Variants in RFX3 observed in about 807,000 individuals in gnomAD.
RFX3 encodes the protein regulatory factor X3, also known as transcription factor RFX3.
Under a neutral mutation model 98.6 loss-of-function variants are expected in RFX3, and 14 were observed. That is an observed-to-expected ratio of 0.14 (90% CI 0.09 to 0.22). RFX3 has a LOEUF of 0.22. Among genes scored for constraint, RFX3 ranks in the 10% least tolerant of loss-of-function variants. RFX3 has a pLI of 1.00. For missense variants in RFX3, 639 were observed against 926.9 expected (o/e 0.69, Z 4.03); for synonymous variants, 383 against 328.4 (o/e 1.17, Z -1.80).
Position 3,262,276 on chromosome 9 carries a change from T to G in RFX3, c.1605+659A>C, listed in dbSNP as rs561647609. Reference sequence around the variant, plus strand: ...ATAAAGTATTTATTGATATTGAAACTCTATAATAATGTTTCTAACTTAGCT... The same window carrying G: ...ATAAAGTATTTATTGATATTGAAACGCTATAATAATGTTTCTAACTTAGCT... On this transcript the variant is annotated intron_variant, in intron 13 of 16. Transcript: ENST00000617270. Among the ~76,000 whole-genome samples the G allele has an allele frequency of 2.5e-3, 380 of 152,308 alleles. 1 individual carries two copies. Among genetic ancestry groups the G allele is most frequent in the South Asian group, 5.6e-3 (27 of 4,830 alleles).
At chr9:3,347,357 T>C (rs980481628) in intron 2 of RFX3, among the ~76,000 whole-genome samples, 5 of 152,082 alleles carry the variant, frequency 3.3e-5, no homozygotes, top group African/African-American at 7.2e-5. Flanking sequence ...TGGTGACTTA[T>C]GAAATTCTAT....
intron 5 of RFX3, 152 bp from the exon 6 acceptor site, chr9:3,293,410 T>C (rs1337729132): frequency 3.6e-6 from 2 of 554,492 alleles, no homozygotes; most frequent in Non-Finnish European, 6.2e-6. Flanking sequence ...GGTGGTAATC[T>C]GCCTTTGAAA....
At chr9:3,299,643 A>T (rs1396400569) in intron 5 of RFX3, among the ~76,000 whole-genome samples, 2 of 133,590 alleles carry the variant, frequency 1.5e-5, no homozygotes, top group East Asian at 3.9e-4. Flanking sequence ...ATTATGTAAT[A>T]AAAAAAATGA....
intron 1 of RFX3, among the ~76,000 whole-genome samples, chr9:3,459,899 T>C (rs1847532901): frequency 6.6e-6 from 1 of 152,108 alleles, no homozygotes; most frequent in Non-Finnish European, 1.5e-5. Context: ...AAGAAGGTTA[T>C]CTATGTTATC....
intron 1 of RFX3, among the ~76,000 whole-genome samples, chr9:3,469,780 A>T (rs1388240086): frequency 6.6e-6 from 1 of 151,666 alleles, no homozygotes; most frequent in African/African-American, 2.4e-5. Flanking sequence ...ATTATAGATC[A>T]TGTTGCAGTG....
chr9:3,220,895 C>T lies in RFX3; in HGVS notation c.*4147G>A, dbSNP rs547122342. Reference sequence around the variant, plus strand: ...GATTCCATTAATTGATTCGTTCTAACCATATACATGGAGGTTGTTCTGATC... The same window carrying T: ...GATTCCATTAATTGATTCGTTCTAATCATATACATGGAGGTTGTTCTGATC... On this transcript the variant is annotated 3_prime_UTR_variant, in exon 17 of 17. Transcript: ENST00000617270. 1.3e-5 allele frequency: 2 copies of T among 152,138 alleles called. No homozygotes were observed. The highest frequency in any genetic ancestry group is 4.1e-4 in the South Asian group (2 of 4,828). The allele number at this position is 152,138 out of a possible 1,614,324, so 9.4% of individuals were successfully genotyped here. A position where few individuals can be genotyped will look rare whatever the true frequency, so the allele number is the denominator to read the frequency against.
At chr9:3,412,039 C>T (rs901213719) in intron 1 of RFX3, among the ~76,000 whole-genome samples, 1 of 152,144 alleles carries the variant, frequency 6.6e-6, no homozygotes, top group Non-Finnish European at 1.5e-5. Context: ...AAAATAACAG[C>T]TAAGCTATTT....
At chr9:3,320,781 A>G (rs1366505697) in intron 4 of RFX3, among the ~76,000 whole-genome samples, 3 of 81,126 alleles carry the variant, frequency 3.7e-5, no homozygotes, top group Non-Finnish European at 8.1e-5. Context: ...ATATATATAT[A>G]TATATATATA....
chr9:3,270,127 G>GAAAGAAAGAAAGA (rs1563833699), intron 11 of RFX3, among the ~76,000 whole-genome samples: 1 of 41,752 alleles, frequency 2.4e-5, no homozygotes, highest in African/African-American at 1.1e-4. Context: ...AGAAAGAAAG[G>GAAAGAAAGAAAGA]AAAGAAAGAA....
At chr9:3,440,635 T>A (rs1564103963) in intron 1 of RFX3, among the ~76,000 whole-genome samples, 1 of 152,186 alleles carries the variant, frequency 6.6e-6, no homozygotes, top group Non-Finnish European at 1.5e-5. Flanking sequence ...CATGACCCAA[T>A]ATTGTTAACA....
rs142052398 is a variant in RFX3 at position 3,462,941 on chromosome 9, C to T, written c.-9+62806G>A. On this transcript the variant is annotated intron_variant, in intron 1 of 16. Coordinates refer to ENST00000617270, the MANE Select transcript of RFX3 (RefSeq NM_001282116.2). ...GACTTAAGTAAAGAAAGAGACATATCATGTTCGTGGATCATAACACCCAAT... is the reference window on the plus strand; with the variant it reads ...GACTTAAGTAAAGAAAGAGACATATTATGTTCGTGGATCATAACACCCAAT... Among the ~76,000 whole-genome samples, 1,004 of 152,192 alleles carry T rather than the reference C, an allele frequency of 6.6e-3. 17 individuals are homozygous for T. The highest frequency in any genetic ancestry group is 0.023 in the African/African-American group (949 of 41,542).
At chr9:3,472,059 G>A (rs951308656) in intron 1 of RFX3, among the ~76,000 whole-genome samples, 1 of 152,172 alleles carries the variant, frequency 6.6e-6, no homozygotes, top group Non-Finnish European at 1.5e-5. Context: ...CAGTCTTAGG[G>A]CAGGCAATTT....
chr9:3,391,582 C>T (rs775405564), intron 2 of RFX3, among the ~76,000 whole-genome samples: 1 of 152,034 alleles, frequency 6.6e-6, no homozygotes, highest in Non-Finnish European at 1.5e-5. Flanking sequence ...TGGGAGTGAG[C>T]CATATGGCAC....
At chr9:3,432,548 C>A (rs1488606501) in intron 1 of RFX3, among the ~76,000 whole-genome samples, 2 of 152,010 alleles carry the variant, frequency 1.3e-5, no homozygotes, top group African/African-American at 4.8e-5. Context: ...TAGAACAGTG[C>A]CAAGCAAGGA....
chr9:3,356,327 G>A (rs1305108610), intron 2 of RFX3, among the ~76,000 whole-genome samples: 1 of 151,814 alleles, frequency 6.6e-6, no homozygotes, highest in Admixed American at 6.6e-5. Flanking sequence ...AAGGATGAAA[G>A]GGGAAACGTC....
At chr9:3,355,405 G>C (rs867822331) in intron 2 of RFX3, among the ~76,000 whole-genome samples, 6 of 151,662 alleles carry the variant, frequency 4.0e-5, no homozygotes, top group Admixed American at 6.6e-5. Context: ...AAAATGGACT[G>C]GCTATATTAA....
chr9:3,432,694 G>A (rs928107750), intron 1 of RFX3, among the ~76,000 whole-genome samples: 1 of 152,180 alleles, frequency 6.6e-6, no homozygotes, highest in African/African-American at 2.4e-5. Context: ...TTCCTTGAGT[G>A]CATCCAAACC....
intron 1 of RFX3, among the ~76,000 whole-genome samples, chr9:3,442,628 A>T (rs889540217): frequency 2.0e-5 from 3 of 152,214 alleles, no homozygotes; most frequent in Admixed American, 6.5e-5. Context: ...TAACAAATAT[A>T]TCATGCTTAT....
intron 1 of RFX3, among the ~76,000 whole-genome samples, chr9:3,525,230 G>C (rs1271910543): frequency 6.6e-6 from 1 of 151,994 alleles, no homozygotes; most frequent in African/African-American, 2.4e-5. Context: ...CCCCACAAGT[G>C]AACAACAACA....
Sources: gnomAD v4.1 joint callset for allele counts (sites outside exome capture counted in the v4.1 genomes callset) on GRCh38, gnomAD v4.1.1 for gene constraint, MANE v1.5 for transcripts, NCBI Gene and HGNC (gene_info 2026-07-23, HGNC 2026-07-21) for gene names.